PTPRD: variants seen among roughly 807,000 people sequenced by gnomAD.
The protein encoded by PTPRD is receptor-type tyrosine-protein phosphatase delta.
In PTPRD, 34 loss-of-function variants were observed where a neutral mutation model predicts 214.5. That is an observed-to-expected ratio of 0.16 (90% CI 0.12 to 0.21). PTPRD has a LOEUF of 0.21. Ranked by LOEUF, PTPRD falls within the 10% of genes least tolerant of loss-of-function variation. PTPRD has a pLI of 1.00. For synonymous variants in PTPRD, 1,128 were observed against 845.7 expected, an observed-to-expected ratio of 1.33 and a Z score of -5.79; for missense variants, 2,545 against 2,398.7, an observed-to-expected ratio of 1.06 and a Z score of -1.27.
chr9:9,257,308 T>C (rs2099978154), intron 9 of PTPRD, among the ~76,000 whole-genome samples: 1 of 151,984 alleles, frequency 6.6e-6, no homozygotes, highest in South Asian at 2.1e-4. Flanking sequence ...TATTTGTATT[T>C]ACATTTTCCA....
intron 39 of PTPRD, among the ~76,000 whole-genome samples, chr9:8,357,734 G>A (rs2133691055): frequency 6.6e-6 from 1 of 152,228 alleles, no homozygotes; most frequent in Non-Finnish European, 1.5e-5. Context: ...CATATAGGGA[G>A]GAAGATATTG....
At chr9:8,370,205 T>TACACACACACAC (rs760579063) in intron 39 of PTPRD, among the ~76,000 whole-genome samples, 2 of 63,462 alleles carry the variant, frequency 3.2e-5, no homozygotes, top group Admixed American at 1.9e-4. Flanking sequence ...CACATATATA[T>TACACACACACAC]ATACACACAC....
intron 14 of PTPRD, among the ~76,000 whole-genome samples, chr9:8,602,213 G>C (rs531436250): frequency 2.0e-5 from 3 of 152,288 alleles, no homozygotes; most frequent in East Asian, 3.9e-4. Flanking sequence ...TGAGCCAATA[G>C]TTCTAAATAG....
chr9:9,742,016 T>A (rs1034154381), intron 6 of PTPRD, among the ~76,000 whole-genome samples: 1 of 152,172 alleles, frequency 6.6e-6, no homozygotes, highest in Non-Finnish European at 1.5e-5. Context: ...TTCTAGATCT[T>A]TGAGGAATAG....
At chr9:8,756,367 T>A (rs1253702510) in intron 11 of PTPRD, among the ~76,000 whole-genome samples, 1 of 152,232 alleles carries the variant, frequency 6.6e-6, no homozygotes, top group Non-Finnish European at 1.5e-5. Context: ...TTTTTTTAAA[T>A]ATTGTTAAAC....
chr9:8,413,056 AT>A (rs1179849954), intron 35 of PTPRD, among the ~76,000 whole-genome samples: 1 of 152,206 alleles, frequency 6.6e-6, no homozygotes, highest in Non-Finnish European at 1.5e-5. Flanking sequence ...AATCATCTTC[AT>A]TTTTAAAAGT....
rs149656557 is a variant in PTPRD at position 9,736,799 on chromosome 9, G to A, written c.-325-2228C>T. 1.1e-3 allele frequency among the ~76,000 whole-genome samples: 171 copies of A among 151,764 alleles called. 2 individuals carry two copies. The East Asian group carries it at 0.015, about 13-fold the overall frequency. On this transcript the variant is annotated intron_variant, in intron 6 of 45. Coordinates refer to ENST00000381196, the MANE Select transcript of PTPRD (RefSeq NM_002839.4). Reference sequence around the variant, plus strand: ...TTTATATGGGTAGTCTTTCCTTATCGATTCACAGAAGTGCTTTATGTATTC... The same window carrying A: ...TTTATATGGGTAGTCTTTCCTTATCAATTCACAGAAGTGCTTTATGTATTC...
At chr9:8,548,129 A>C (rs938374289) in intron 14 of PTPRD, among the ~76,000 whole-genome samples, 38 of 152,190 alleles carry the variant, frequency 2.5e-4, no homozygotes, top group Non-Finnish European at 8.8e-5. Flanking sequence ...AAATGTAGTA[A>C]AGGGCCTTCA....
At chr9:9,567,184 C>A (rs895908349) in intron 8 of PTPRD, among the ~76,000 whole-genome samples, 1 of 151,852 alleles carries the variant, frequency 6.6e-6, no homozygotes, top group African/African-American at 2.4e-5. Flanking sequence ...AATAGCAGTA[C>A]CTTTTCTGTC....
intron 9 of PTPRD, among the ~76,000 whole-genome samples, chr9:9,236,378 AG>A (rs2099966746): frequency 6.6e-6 from 1 of 152,114 alleles, no homozygotes; most frequent in Non-Finnish European, 1.5e-5. Flanking sequence ...GGAGTATAAA[AG>A]CTAGCCTTAG....
At chr9:10,415,928 G>A (rs1296723870) in intron 2 of PTPRD, among the ~76,000 whole-genome samples, 1 of 151,886 alleles carries the variant, frequency 6.6e-6, no homozygotes, top group Non-Finnish European at 1.5e-5. Context: ...ACATTTACAG[G>A]AGAGTCTAAG....
intron 2 of PTPRD, among the ~76,000 whole-genome samples, chr9:10,497,845 T>C (rs2042534492): frequency 1.3e-5 from 2 of 152,168 alleles, no homozygotes; most frequent in South Asian, 2.1e-4. Context: ...ATATCCACAG[T>C]CTTCTGACTA....
chr9:9,824,497 T>C (rs759650961), intron 5 of PTPRD, among the ~76,000 whole-genome samples: 2 of 151,984 alleles, frequency 1.3e-5, no homozygotes, highest in African/African-American at 2.4e-5. Context: ...ACTTCTGTAA[T>C]AAAATATATA....
chr9:10,593,614 T>C (rs77483888), intron 2 of PTPRD, among the ~76,000 whole-genome samples: 5,870 of 152,082 alleles, frequency 0.039, 348 homozygotes, highest in African/African-American at 0.13. Flanking sequence ...TATTTAAGGC[T>C]ATATCATGAA....
intron 36 of PTPRD, 137 bp from the exon 37 acceptor site, chr9:8,389,544 C>A: frequency 1.7e-6 from 1 of 582,686 alleles, no homozygotes; most frequent in Non-Finnish European, 2.8e-6. Context: ...GGTCGGGTTT[C>A]AAGCAAGATT....
At chr9:10,119,721 A>T (rs955187364) in intron 3 of PTPRD, among the ~76,000 whole-genome samples, 4 of 152,032 alleles carry the variant, frequency 2.6e-5, no homozygotes, top group African/African-American at 9.7e-5. Flanking sequence ...CCACAGCAAG[A>T]AGGGAAATCA....
intron 14 of PTPRD, among the ~76,000 whole-genome samples, chr9:8,587,922 G>C (rs564232447): frequency 1.3e-5 from 2 of 152,292 alleles, no homozygotes; most frequent in Non-Finnish European, 2.9e-5. Flanking sequence ...AAATAATCAA[G>C]TCACGAGAAT....
At chr9:9,146,366 G>A (rs2099868605) in intron 10 of PTPRD, among the ~76,000 whole-genome samples, 1 of 151,992 alleles carries the variant, frequency 6.6e-6, no homozygotes, top group Non-Finnish European at 1.5e-5. Flanking sequence ...AATTTACATA[G>A]GGTATCATTT....
At chr9:10,143,590 A>G (rs928671765) in intron 3 of PTPRD, among the ~76,000 whole-genome samples, 4 of 152,106 alleles carry the variant, frequency 2.6e-5, no homozygotes, top group African/African-American at 9.7e-5. Flanking sequence ...ATTGTATCAA[A>G]AAGTCATATC....
Sources: gnomAD v4.1 joint callset for allele counts (sites outside exome capture counted in the v4.1 genomes callset) on GRCh38, gnomAD v4.1.1 for gene constraint, MANE v1.5 for transcripts, NCBI Gene and HGNC (gene_info 2026-07-23, HGNC 2026-07-21) for gene names.